KIRREL1: variants seen among roughly 807,000 people sequenced by gnomAD.
KIRREL1 encodes kin of IRRE-like protein 1.
KIRREL1 carries 25 observed loss-of-function variants against 83.3 expected under a neutral mutation model. The observed-to-expected ratio is 0.30, with a 90% CI of 0.22 to 0.42. The LOEUF (loss-of-function observed/expected upper bound fraction) is 0.42, where lower values mean the gene tolerates loss of function less well. KIRREL1 is among the 10% of genes least tolerant of loss of function. The pLI, the probability that KIRREL1 is intolerant of heterozygous loss-of-function variation, is 1.00. For synonymous variants in KIRREL1, 388 were observed against 410.4 expected, an observed-to-expected ratio of 0.95 and a Z score of 0.66; for missense variants, 812 against 1,032.3, an observed-to-expected ratio of 0.79 and a Z score of 2.92.
rs370742241 is a variant in KIRREL1, at chr1:158,088,708, T to A, written c.1044+254T>A. Among the ~76,000 whole-genome samples, 150 of 151,778 alleles carry A rather than the reference T, an allele frequency of 9.9e-4. 1 individual carries two copies. Among genetic ancestry groups the A allele is most frequent in the African/African-American group, 3.5e-3 (144 of 41,364 alleles). On this transcript the variant is annotated intron_variant, in intron 8 of 14. Coordinates refer to ENST00000359209, the MANE Select transcript of KIRREL1 (RefSeq NM_018240.7). ...ACCTTGTTAGCCAGGATGGTCTCGA[T>A]CTCCTGACCTCGTGATCCGCCCGCC...
At chr1:158,043,169 T>C (rs1020925767) in intron 1 of KIRREL1, among the ~76,000 whole-genome samples, 1 of 151,230 alleles carries the variant, frequency 6.6e-6, no homozygotes, top group Non-Finnish European at 1.5e-5. Flanking sequence ...GAAGCAGTGC[T>C]GGAGAGAGGG....
rs1318796921 is a variant in KIRREL1, at chr1:157,993,663, G to T, written c.-14G>T. On this transcript the variant is annotated 5_prime_UTR_variant, in exon 1 of 15. Coordinates refer to ENST00000359209, the MANE Select transcript of KIRREL1 (RefSeq NM_018240.7). ...GGGCCCCAGCCGCGGGCGGGCGCAC[G>T]GCGGGCGGACAGCATGCTGAGCCTC... 6.8e-7 allele frequency: 1 copy of T among 1,471,510 alleles called. No homozygotes were observed. The highest frequency in any genetic ancestry group is 9.0e-7 in the Non-Finnish European group (1 of 1,108,508). The allele number at this position is 1,471,510 out of a possible 1,614,324, so 91.2% of individuals were successfully genotyped here. A position where few individuals can be genotyped will look rare whatever the true frequency, so the allele number is the denominator to read the frequency against.
rs746057867 is a variant in KIRREL1, at chr1:158,084,531, C to T, written c.462C>T (p.Ile154=). 6.4e-7 allele frequency: 1 copy of T among 1,551,676 alleles called. No individual in the cohort carries two copies. The highest frequency in any genetic ancestry group is 1.4e-5 in the African/African-American group (1 of 73,070). The change falls in exon 4 of 15, where the codon ATC becomes ATT. Residue 154 remains isoleucine, a synonymous_variant. Transcript: ENST00000359209. ...TCAATGCGAAGCCTGCTGCCACCAT[C>T]ATCTGGTTCCGGGACGGGACGCAGC... ...RAFNAKPAAT[I]IWFRDGTQQE...
At chr1:158,086,226 T>C (rs1202361616) in intron 4 of KIRREL1, among the ~76,000 whole-genome samples, 1 of 152,088 alleles carries the variant, frequency 6.6e-6, no homozygotes, top group Non-Finnish European at 1.5e-5. Flanking sequence ...TGCTCAATTT[T>C]TCTGTAAACT....
intron 1 of KIRREL1, among the ~76,000 whole-genome samples, chr1:157,996,608 C>T (rs1007857706): frequency 7.2e-5 from 11 of 152,168 alleles, no homozygotes; most frequent in African/African-American, 2.7e-4. Flanking sequence ...TCCCTGAGTA[C>T]AGCTGAATCC....
At chr1:158,077,336 A>C (rs1661708311) in intron 2 of KIRREL1, among the ~76,000 whole-genome samples, 1 of 152,148 alleles carries the variant, frequency 6.6e-6, no homozygotes. Context: ...AGTGAGAAGA[A>C]TCGATAGCCT....
At chr1:158,073,343 G>T (rs1394671210) in intron 1 of KIRREL1, among the ~76,000 whole-genome samples, 1 of 152,154 alleles carries the variant, frequency 6.6e-6, no homozygotes, top group Non-Finnish European at 1.5e-5. Flanking sequence ...CACCTTCTTT[G>T]TCATGTTCCT....
At chr1:158,073,203 A>T (rs532741393) in intron 1 of KIRREL1, among the ~76,000 whole-genome samples, 1 of 152,160 alleles carries the variant, frequency 6.6e-6, no homozygotes, top group East Asian at 1.9e-4. Context: ...AATTCCCGAG[A>T]TGTCTTTACT....
chr1:158,077,898 C>A, intron 2 of KIRREL1, 93 bp from the exon 3 acceptor site: 1 of 1,416,474 alleles, frequency 7.1e-7, no homozygotes, highest in Non-Finnish European at 9.8e-7. Flanking sequence ...TCAGTGGTGT[C>A]CCAGGAGAGG....
intron 1 of KIRREL1, among the ~76,000 whole-genome samples, chr1:158,043,148 C>T (rs1416343324): frequency 6.6e-6 from 1 of 151,620 alleles, no homozygotes; most frequent in Admixed American, 6.6e-5. Flanking sequence ...CACTCCAACA[C>T]CTACTGCGAG....
intron 11 of KIRREL1, among the ~76,000 whole-genome samples, chr1:158,092,989 AAAG>A (rs1442985752): frequency 6.6e-6 from 1 of 152,186 alleles, no homozygotes; most frequent in East Asian, 1.9e-4. Flanking sequence ...AGCTGACCTC[AAAG>A]AAGAGCGAGG....
intron 1 of KIRREL1, among the ~76,000 whole-genome samples, chr1:158,013,125 A>G (rs566639707): frequency 1.0e-3 from 159 of 152,352 alleles, no homozygotes; most frequent in Non-Finnish European, 1.4e-3. Flanking sequence ...AGCTTTTTCT[A>G]AAATGCCACA....
chr1:158,032,552 T>G (rs1660356882), intron 1 of KIRREL1, among the ~76,000 whole-genome samples: 1 of 152,188 alleles, frequency 6.6e-6, no homozygotes, highest in Non-Finnish European at 1.5e-5. Flanking sequence ...CTATTTTTCT[T>G]GGGAACAGGA....
At chr1:158,042,398 G>A (rs1025506638) in intron 1 of KIRREL1, among the ~76,000 whole-genome samples, 2 of 152,112 alleles carry the variant, frequency 1.3e-5, no homozygotes, top group Non-Finnish European at 2.9e-5. Context: ...AAGATATTTG[G>A]AAGAATCTTT....
At chr1:158,025,225 C>T (rs1660134224) in intron 1 of KIRREL1, among the ~76,000 whole-genome samples, 1 of 152,152 alleles carries the variant, frequency 6.6e-6, no homozygotes, top group African/African-American at 2.4e-5. Context: ...GGAAAGAATG[C>T]ATGCACAGAT....
intron 3 of KIRREL1, 118 bp downstream of exon 3, chr1:158,078,258 T>G (rs1052652414): frequency 3.5e-6 from 4 of 1,143,232 alleles, no homozygotes; most frequent in Non-Finnish European, 5.0e-6. Flanking sequence ...GTTACTGGCC[T>G]TATCCCTGCC....
At chr1:158,054,631 T>C (rs1480954834) in intron 1 of KIRREL1, among the ~76,000 whole-genome samples, 2 of 152,156 alleles carry the variant, frequency 1.3e-5, no homozygotes, top group African/African-American at 4.8e-5. Context: ...GGCCTACAGC[T>C]GTGTGCCTCA....
chr1:157,993,943 C>A (rs1659117990), intron 1 of KIRREL1, among the ~76,000 whole-genome samples: 1 of 152,054 alleles, frequency 6.6e-6, no homozygotes, highest in Admixed American at 6.5e-5. Flanking sequence ...TTGATTTGCC[C>A]AAGTTGTTTC....
At chr1:158,039,611 T>C (rs554827786) in intron 1 of KIRREL1, among the ~76,000 whole-genome samples, 3 of 152,326 alleles carry the variant, frequency 2.0e-5, no homozygotes, top group African/African-American at 7.2e-5. Flanking sequence ...GCCAGCTTTT[T>C]CCCCAATCAT....
Sources: gnomAD v4.1 joint callset for allele counts (sites outside exome capture counted in the v4.1 genomes callset) on GRCh38, gnomAD v4.1.1 for gene constraint, MANE v1.5 for transcripts, NCBI Gene and HGNC (gene_info 2026-07-23, HGNC 2026-07-21) for gene names.